AMPH: variants seen among roughly 807,000 people sequenced by gnomAD.
The protein encoded by AMPH is amphiphysin.
In AMPH, 49 loss-of-function variants were observed where a neutral mutation model predicts 99.1. The ratio of observed to expected loss-of-function variants is 0.49; its 90% CI spans 0.39 to 0.63. The LOEUF (loss-of-function observed/expected upper bound fraction) is 0.63. Among genes scored for constraint, AMPH ranks in the 20% least tolerant of loss-of-function variants. The pLI is 0.00. For synonymous variants in AMPH, 314 were observed against 317.3 expected, an observed-to-expected ratio of 0.99 and a Z score of 0.11; for missense variants, 759 against 863.4, an observed-to-expected ratio of 0.88 and a Z score of 1.52.
intron 1 of AMPH, among the ~76,000 whole-genome samples, chr7:38,618,439 G>A (rs1793947900): frequency 6.6e-6 from 1 of 152,058 alleles, no homozygotes; most frequent in Non-Finnish European, 1.5e-5. Flanking sequence ...ATGAAACCGG[G>A]AGGCAGAGCT....
chr7:38,449,212 C>T lies in AMPH; in HGVS notation c.1017+12071G>A, dbSNP rs374898640. Among the ~76,000 whole-genome samples, 151 of 152,262 alleles carry T rather than the reference C, an allele frequency of 9.9e-4. 1 individual carries two copies. The highest frequency in any genetic ancestry group is 2.0e-3 in the Admixed American group (31 of 15,296). On this transcript the variant is annotated intron_variant, in intron 11 of 20. Coordinates refer to ENST00000356264, the MANE Select transcript of AMPH (RefSeq NM_001635.4). ...CAAACGAGTTCTAGAGAACCTGCAT[C>T]CTGGATACTAAGGATAGAAAGAGTG... is the stretch of plus-strand genomic sequence containing the variant.
chr7:38,615,843 T>C (rs1423469302), intron 1 of AMPH, among the ~76,000 whole-genome samples: 2 of 152,174 alleles, frequency 1.3e-5, no homozygotes, highest in Non-Finnish European at 2.9e-5. Context: ...CACGTGGTTC[T>C]GTAGCAAGGG....
chr7:38,495,445 A>G (rs1324747141), intron 3 of AMPH, among the ~76,000 whole-genome samples: 1 of 152,136 alleles, frequency 6.6e-6, no homozygotes, highest in Non-Finnish European at 1.5e-5. Flanking sequence ...CCAGCCCTGG[A>G]CAAGATGCAT....
chr7:38,394,071 A>G lies in AMPH; in HGVS notation c.1542T>C (p.Thr514=), dbSNP rs773471500. 3 of 1,614,142 alleles carry G rather than the reference A, an allele frequency of 1.9e-6. No homozygotes were observed. Among genetic ancestry groups the G allele is most frequent in the Middle Eastern group, 1.6e-4 (1 of 6,062 alleles). The part of the protein sequence containing the change: ...GVSLEEAKIG[T]ETTEGAESAQ... ...CACTCTCTGCACCCTCAGTGGTTTC[A>G]GTTCCAATTTTGGCCTCCTCTAAAC... Residue 514 remains threonine (T), a synonymous_variant, in exon 18 of 21, where the codon ACT becomes ACC. Transcript: ENST00000356264.
At chr7:38,621,902 A>T (rs552150956) in intron 1 of AMPH, among the ~76,000 whole-genome samples, 2 of 152,320 alleles carry the variant, frequency 1.3e-5, no homozygotes, top group East Asian at 3.9e-4. Context: ...CTACAGCCAA[A>T]TAGTACACTT....
At chr7:38,404,964 G>A (rs1448458863) in intron 17 of AMPH, among the ~76,000 whole-genome samples, 3 of 151,946 alleles carry the variant, frequency 2.0e-5, no homozygotes, top group Non-Finnish European at 4.4e-5. Flanking sequence ...AGAGAGAAGT[G>A]TCAAATTTAC....
chr7:38,503,365 C>T (rs1584177317), intron 3 of AMPH, among the ~76,000 whole-genome samples: 2 of 152,182 alleles, frequency 1.3e-5, no homozygotes, highest in East Asian at 3.9e-4. Context: ...AACAAGGTCT[C>T]AAGCTCACTC....
chr7:38,402,499 T>C (rs2128980297), intron 17 of AMPH, among the ~76,000 whole-genome samples: 1 of 152,326 alleles, frequency 6.6e-6, no homozygotes, highest in South Asian at 2.1e-4. Flanking sequence ...CTTTGTTCCA[T>C]TTTACTCGCT....
At chr7:38,502,254 A>G (rs1584175704) in intron 3 of AMPH, among the ~76,000 whole-genome samples, 1 of 152,206 alleles carries the variant, frequency 6.6e-6, no homozygotes, top group Non-Finnish European at 1.5e-5. Context: ...CCTTATAAAG[A>G]CCTTCTCTAC....
intron 11 of AMPH, among the ~76,000 whole-genome samples, chr7:38,454,162 C>G (rs956075117): frequency 2.0e-5 from 3 of 152,122 alleles, no homozygotes; most frequent in African/African-American, 7.2e-5. Context: ...AGAAAGAAAA[C>G]AATAGCTCAA....
At chr7:38,449,810 T>C (rs1786936017) in intron 11 of AMPH, among the ~76,000 whole-genome samples, 1 of 152,204 alleles carries the variant, frequency 6.6e-6, no homozygotes, top group African/African-American at 2.4e-5. Flanking sequence ...GGTCCAGAAA[T>C]ATGTTATGTT....
At chr7:38,564,471 G>A (rs1014497555) in intron 1 of AMPH, among the ~76,000 whole-genome samples, 3 of 152,204 alleles carry the variant, frequency 2.0e-5, no homozygotes, top group African/African-American at 7.2e-5. Context: ...CAGAGCACAG[G>A]TGAGAAGAGA....
intron 1 of AMPH, among the ~76,000 whole-genome samples, chr7:38,582,032 T>C (rs1388835886): frequency 6.6e-6 from 1 of 151,972 alleles, no homozygotes; most frequent in East Asian, 1.9e-4. Flanking sequence ...AGGCTGGAAA[T>C]ACATGCCTGG....
At chr7:38,428,779 C>T (rs1034100944) in intron 14 of AMPH, 1 of 458,528 alleles carries the variant, frequency 2.2e-6, no homozygotes, top group Non-Finnish European at 4.4e-6. Context: ...AGACCTTGGT[C>T]TCTGTCACTA....
intron 20 of AMPH, among the ~76,000 whole-genome samples, chr7:38,386,496 T>TTGCTAATGTTCCTCAGC (rs1171867735): frequency 1.3e-5 from 2 of 152,180 alleles, no homozygotes; most frequent in African/African-American, 4.8e-5. Flanking sequence ...TTAGCCAACA[T>TTGCTAATGTTCCTCAGC]CAATCTTTAG....
At chr7:38,386,418 G>A (rs1347281805) in intron 20 of AMPH, among the ~76,000 whole-genome samples, 1 of 152,086 alleles carries the variant, frequency 6.6e-6, no homozygotes, top group Non-Finnish European at 1.5e-5. Context: ...ACAAGTAAAG[G>A]ACTACACAAA....
intron 11 of AMPH, among the ~76,000 whole-genome samples, chr7:38,451,009 C>T (rs2129003061): frequency 6.6e-6 from 1 of 151,640 alleles, no homozygotes; most frequent in East Asian, 1.9e-4. Flanking sequence ...ACCTGCCTCT[C>T]AGCCTTCTGA....
At chr7:38,622,053 T>C (rs1303108869) in intron 1 of AMPH, among the ~76,000 whole-genome samples, 1 of 152,186 alleles carries the variant, frequency 6.6e-6, no homozygotes, top group Non-Finnish European at 1.5e-5. Flanking sequence ...ACTATATTCT[T>C]TCATGGGTAA....
At chr7:38,568,231 C>T (rs762362302) in intron 1 of AMPH, among the ~76,000 whole-genome samples, 9 of 152,012 alleles carry the variant, frequency 5.9e-5, no homozygotes, top group African/African-American at 1.4e-4. Context: ...TTTAGGAGGC[C>T]GAGGCAGGCG....
Sources: allele counts gnomAD v4.1 joint callset (sites outside exome capture counted in the v4.1 genomes callset), GRCh38; gene constraint gnomAD v4.1.1; transcripts MANE v1.5; gene names NCBI Gene and HGNC (gene_info 2026-07-23, HGNC 2026-07-21).